The following DAB1 variants were observed in gnomAD, a reference collection of about 807,000 sequenced individuals.
DAB1 encodes disabled homolog 1.
Under a neutral mutation model 64.6 loss-of-function variants are expected in DAB1, and 15 were observed. That is an observed-to-expected ratio of 0.23 (90% CI 0.16 to 0.36). DAB1 has a LOEUF of 0.36. DAB1 is among the 10% of genes least tolerant of loss of function. The pLI is 1.00. For synonymous variants in DAB1, 235 were observed against 251.9 expected (o/e 0.93, Z 0.64); for missense variants, 596 against 706.7 (o/e 0.84, Z 1.78).
chr1:57,473,829 C>G (rs1406015214), intron 7 of DAB1, among the ~76,000 whole-genome samples: 1 of 152,118 alleles, frequency 6.6e-6, no homozygotes, highest in Non-Finnish European at 1.5e-5. Flanking sequence ...ACACTTCCAC[C>G]TCTACTCATT....
chr1:57,430,878 C>T (rs1685478500), intron 7 of DAB1, among the ~76,000 whole-genome samples: 1 of 147,064 alleles, frequency 6.8e-6, no homozygotes, highest in African/African-American at 2.5e-5. Flanking sequence ...TACTCTATAC[C>T]AGGCACAATG....
intron 5 of DAB1, among the ~76,000 whole-genome samples, chr1:58,132,270 G>C (rs1312919499): frequency 1.3e-5 from 2 of 152,156 alleles, no homozygotes; most frequent in African/African-American, 4.8e-5. Context: ...GGAACTCCCT[G>C]ACCCCTTGCG....
At chr1:57,506,177 G>T (rs886484203) in intron 7 of DAB1, among the ~76,000 whole-genome samples, 1 of 152,100 alleles carries the variant, frequency 6.6e-6, no homozygotes. Context: ...ATTTGGCGTT[G>T]CATTGTTAAG....
chr1:57,492,856 G>C (rs1376557031), intron 7 of DAB1, among the ~76,000 whole-genome samples: 1 of 152,046 alleles, frequency 6.6e-6, no homozygotes, highest in Non-Finnish European at 1.5e-5. Context: ...AGCTCTCTTT[G>C]CATGAAATAA....
intron 6 of DAB1, among the ~76,000 whole-genome samples, chr1:57,669,798 T>A (rs1570722756): frequency 6.6e-6 from 1 of 152,112 alleles, no homozygotes; most frequent in African/African-American, 2.4e-5. Flanking sequence ...TATTTAAGCA[T>A]AACATGACAT....
intron 2 of DAB1, among the ~76,000 whole-genome samples, chr1:58,523,829 G>GCAGAGCTTGCAGTGAGC (rs1646307040): frequency 6.6e-6 from 1 of 151,550 alleles, no homozygotes; most frequent in African/African-American, 2.4e-5. Flanking sequence ...AAGCTGGGAG[G>GCAGAGCTTGCAGTGAGC]CAGAGCTTGC....
chr1:58,180,219 T>C (rs1656701088), intron 4 of DAB1, among the ~76,000 whole-genome samples: 1 of 150,658 alleles, frequency 6.6e-6, no homozygotes. Context: ...ATTTTTCTAG[T>C]TTTTTTAAGT....
chr1:57,349,561 A>T (rs1678406825), intron 1 of DAB1, among the ~76,000 whole-genome samples: 1 of 152,328 alleles, frequency 6.6e-6, no homozygotes, highest in South Asian at 2.1e-4. Flanking sequence ...GAAATGTTTG[A>T]AAATAATCTC....
At chr1:58,009,218 T>C (rs1004891459) in intron 5 of DAB1, among the ~76,000 whole-genome samples, 8 of 152,184 alleles carry the variant, frequency 5.3e-5, no homozygotes, top group African/African-American at 1.9e-4. Context: ...TCCAGGATCA[T>C]ATTCCTAGAA....
chr1:57,131,701 C>G (rs1052474632), intron 4 of DAB1, among the ~76,000 whole-genome samples: 50 of 152,302 alleles, frequency 3.3e-4, no homozygotes, highest in African/African-American at 1.1e-3. Flanking sequence ...ATTATTAAAT[C>G]AGCCCTGAAA....
chr1:58,439,179 A>G (rs1358305413), intron 3 of DAB1, among the ~76,000 whole-genome samples: 1 of 146,034 alleles, frequency 6.8e-6, no homozygotes, highest in East Asian at 2.0e-4. Context: ...TGGGCCCAGG[A>G]TATTTCCTTT....
intron 4 of DAB1, among the ~76,000 whole-genome samples, chr1:57,126,529 T>C (rs1243563125): frequency 6.6e-6 from 1 of 152,182 alleles, no homozygotes; most frequent in Non-Finnish European, 1.5e-5. Flanking sequence ...TGTGGCTAGC[T>C]AATTAATGTT....
At chr1:57,339,856 G>C (rs1376199511) in intron 1 of DAB1, among the ~76,000 whole-genome samples, 1 of 152,174 alleles carries the variant, frequency 6.6e-6, no homozygotes, top group Non-Finnish European at 1.5e-5. Flanking sequence ...ATCAACAAAA[G>C]GTTCTAATGT....
intron 6 of DAB1, among the ~76,000 whole-genome samples, chr1:57,750,786 T>A (rs949739725): frequency 6.6e-6 from 1 of 152,130 alleles, no homozygotes; most frequent in Admixed American, 6.5e-5. Flanking sequence ...TGTGAGAGGC[T>A]TGAAGGTAGA....
chr1:57,066,335 A>G (rs1274167249), intron 8 of DAB1, among the ~76,000 whole-genome samples: 1 of 152,224 alleles, frequency 6.6e-6, no homozygotes, highest in Non-Finnish European at 1.5e-5. Context: ...TAGTCATTGT[A>G]GCTGTTTTTC....
At chr1:57,114,758 T>TGA (rs1203622585) in intron 4 of DAB1, among the ~76,000 whole-genome samples, 1 of 152,128 alleles carries the variant, frequency 6.6e-6, no homozygotes, top group Non-Finnish European at 1.5e-5. Flanking sequence ...AAAAAGAAGT[T>TGA]GAGAACCCTT....
rs146813079 is a variant in DAB1, at chr1:57,053,642, A to ATCTCTCTCTCTC, written c.723+9230_723+9241dup. Among the ~76,000 whole-genome samples the ATCTCTCTCTCTC allele has an allele frequency of 3.4e-3, 429 of 126,300 alleles. 1 individual carries two copies. The highest frequency in any genetic ancestry group is 8.6e-3 in the African/African-American group (273 of 31,902). 82.9% of individuals were successfully genotyped at this position (126,300 alleles called of 152,430 possible). On this transcript the variant is annotated intron_variant, in intron 9 of 14. Coordinates refer to ENST00000371236, the MANE Select transcript of DAB1 (RefSeq NM_001365792.1). ...TTACTACTATGCCAACCATCTAAGA[A>ATCTCTCTCTCTC]TCTCTCTCTCTCTCTCTCTATATGT... is the stretch of plus-strand genomic sequence containing the variant.
chr1:57,876,807 G>C (rs1025763774), intron 1 of DAB1: 1 of 152,138 alleles, frequency 6.6e-6, no homozygotes, highest in African/African-American at 2.4e-5. Flanking sequence ...AAGAAGACAG[G>C]AGAAACTTCT....
rs182329368 is a variant in DAB1, at chr1:57,925,080, C to A, written n.388-40918G>T. On this transcript the variant is annotated intron_variant and non_coding_transcript_variant, in intron 5 of 20. Coordinates refer to the DAB1 transcript ENST00000485760. ...AGGTTGTTAAATACAGAATAATGGG[C>A]TCAAAAGGAAACTCAGGTCATCAAG... is the stretch of plus-strand genomic sequence containing the variant. Among the ~76,000 whole-genome samples, 94 of 152,266 alleles carry A rather than the reference C, an allele frequency of 6.2e-4. 2 individuals carry two copies. Among genetic ancestry groups the A allele is most frequent in the African/African-American group, 2.3e-3 (94 of 41,562 alleles).
Sources: allele counts gnomAD v4.1 joint callset (sites outside exome capture counted in the v4.1 genomes callset), GRCh38; gene constraint gnomAD v4.1.1; transcripts MANE v1.5; gene names NCBI Gene and HGNC (gene_info 2026-07-23, HGNC 2026-07-21).